The following SLC25A21 variants were observed in gnomAD, a reference collection of about 807,000 sequenced individuals.
SLC25A21 encodes solute carrier family 25 member 21.
In SLC25A21, 47 loss-of-function variants were observed where a neutral mutation model predicts 43.8. The ratio of observed to expected loss-of-function variants is 1.07; its 90% CI spans 0.85 to 1.37. The LOEUF is 1.37. Among genes scored for constraint, SLC25A21 ranks in the 40% most tolerant of loss-of-function variants. The pLI is 0.00. For missense variants in SLC25A21, 352 were observed against 350.2 expected (o/e 1.00, Z -0.04); for synonymous variants, 131 against 121.3 (o/e 1.08, Z -0.52).
Position 36,758,590 on chromosome 14 carries a change from C to CAAAA in SLC25A21, c.204-24021_204-24018dup, listed in dbSNP as rs11314165. Among the ~76,000 whole-genome samples, 652 of 127,652 alleles carry CAAAA rather than the reference C, an allele frequency of 5.1e-3. 8 individuals are homozygous for CAAAA. Among genetic ancestry groups the CAAAA allele is most frequent in the East Asian group, 0.024 (97 of 4,116 alleles). The allele number at this position is 127,652 out of a possible 152,430, so 83.7% of individuals were successfully genotyped here. A position where few individuals can be genotyped will look rare whatever the true frequency, so the allele number is the denominator to read the frequency against. On this transcript the variant is annotated intron_variant, in intron 3 of 9. Coordinates refer to ENST00000331299, the MANE Select transcript of SLC25A21 (RefSeq NM_030631.4). ...CTTTTCTATATTGGGTCAGCCAGGT[C>CAAAA]AAAAAAAAAAAAAAAAAGGAGGTTT...
intron 2 of SLC25A21, among the ~76,000 whole-genome samples, chr14:36,834,649 T>C (rs1485767208): frequency 6.6e-6 from 1 of 152,092 alleles, no homozygotes; most frequent in African/African-American, 2.4e-5. Context: ...AGGCTAAGAA[T>C]AAAGCCCTGT....
chr14:36,843,723 G>A (rs2138503257), intron 2 of SLC25A21, among the ~76,000 whole-genome samples: 1 of 152,240 alleles, frequency 6.6e-6, no homozygotes, highest in Non-Finnish European at 1.5e-5. Flanking sequence ...TCACGAAATT[G>A]ATGAAATGCT....
chr14:36,691,017 T>C (rs1882773643), intron 7 of SLC25A21, among the ~76,000 whole-genome samples: 1 of 152,216 alleles, frequency 6.6e-6, no homozygotes, highest in South Asian at 2.1e-4. Flanking sequence ...AAGCCCTTTG[T>C]ATATTTAAGC....
At chr14:36,918,302 C>A (rs1424732358) in intron 1 of SLC25A21, among the ~76,000 whole-genome samples, 1 of 152,134 alleles carries the variant, frequency 6.6e-6, no homozygotes, top group East Asian at 1.9e-4. Context: ...TCATGGGTCA[C>A]CCATCCCAGA....
At chr14:36,939,439 C>T (rs1477104844) in intron 1 of SLC25A21, among the ~76,000 whole-genome samples, 1 of 151,904 alleles carries the variant, frequency 6.6e-6, no homozygotes, top group Non-Finnish European at 1.5e-5. Context: ...TGTTAAATGG[C>T]CATGTCAAAT....
At chr14:36,773,070 C>T (rs1016627841) in intron 3 of SLC25A21, among the ~76,000 whole-genome samples, 4 of 152,136 alleles carry the variant, frequency 2.6e-5, no homozygotes, top group Non-Finnish European at 5.9e-5. Flanking sequence ...TGCTGCAGTA[C>T]TATGCTAAAG....
chr14:36,768,961 C>G (rs201677111), intron 3 of SLC25A21, among the ~76,000 whole-genome samples: 1 of 149,830 alleles, frequency 6.7e-6, no homozygotes, highest in Non-Finnish European at 1.5e-5. Flanking sequence ...AAACCTATAT[C>G]TATCTATATC....
intron 1 of SLC25A21, among the ~76,000 whole-genome samples, chr14:36,990,428 A>C (rs1430958787): frequency 6.6e-6 from 1 of 152,202 alleles, no homozygotes. Flanking sequence ...CTCTGAAATT[A>C]TTTATAGTTT....
At chr14:37,009,831 T>C (rs953690119) in intron 1 of SLC25A21, among the ~76,000 whole-genome samples, 1 of 152,172 alleles carries the variant, frequency 6.6e-6, no homozygotes, top group African/African-American at 2.4e-5. Flanking sequence ...CACAATCAAC[T>C]ATAAATTCTC....
intron 1 of SLC25A21, among the ~76,000 whole-genome samples, chr14:37,064,939 T>C (rs1223091803): frequency 6.6e-6 from 1 of 152,186 alleles, no homozygotes; most frequent in Non-Finnish European, 1.5e-5. Flanking sequence ...GGGCCTAATA[T>C]ATGCCAGCTA....
In SLC25A21 at chr14:36,804,802, G is replaced by A. The variant is rs190893858; in HGVS notation, c.203+9116C>T. On this transcript the variant is annotated intron_variant, in intron 3 of 9. Transcript: ENST00000331299. ...TCTACAATAAGATAATCAGGTATGGGTAGAAGAGTGCTTTTAGGAAGTTCT... is the reference window on the plus strand; with the variant it reads ...TCTACAATAAGATAATCAGGTATGGATAGAAGAGTGCTTTTAGGAAGTTCT... Among the ~76,000 whole-genome samples, 228 of 152,302 alleles carry A rather than the reference G, an allele frequency of 1.5e-3. 1 individual carries two copies. Among genetic ancestry groups the A allele is most frequent in the African/African-American group, 5.1e-3 (214 of 41,572 alleles).
At chr14:36,758,718 C>T (rs1314204990) in intron 3 of SLC25A21, among the ~76,000 whole-genome samples, 1 of 151,974 alleles carries the variant, frequency 6.6e-6, no homozygotes, top group Non-Finnish European at 1.5e-5. Context: ...GAGAAATGAT[C>T]TTAGATACCC....
At chr14:36,869,784 T>A (rs936959235) in intron 2 of SLC25A21, among the ~76,000 whole-genome samples, 2 of 152,174 alleles carry the variant, frequency 1.3e-5, no homozygotes, top group African/African-American at 4.8e-5. Context: ...ACAATCTTGA[T>A]TGAAAGATTC....
chr14:37,026,061 C>T (rs931794116), intron 1 of SLC25A21, among the ~76,000 whole-genome samples: 6 of 152,038 alleles, frequency 3.9e-5, no homozygotes, highest in African/African-American at 1.4e-4. Flanking sequence ...AGATACTAGT[C>T]ATCTCCCTAA....
In SLC25A21 at chr14:36,813,971, T is replaced by G. The variant is rs373534673; in HGVS notation, c.150A>C (p.Pro50=). 4 of 1,610,364 alleles carry G rather than the reference T, an allele frequency of 2.5e-6. No individual in the cohort carries two copies. In the African/African-American group the frequency reaches 4.0e-5, roughly 16 times the overall value. ...RFQIQRCATD[P]NSYKSLVDSF... Reference sequence around the variant, plus strand: ...TGTCTACCAAGCTTTTATAACTGTTTGGATCGGTTGCACATCTCTGAATCT... The same window carrying G: ...TGTCTACCAAGCTTTTATAACTGTTGGGATCGGTTGCACATCTCTGAATCT... Residue 50 remains proline (P), a synonymous_variant, in exon 3 of 10, where the codon CCA becomes CCC. Transcript: ENST00000331299.
intron 1 of SLC25A21, among the ~76,000 whole-genome samples, chr14:36,974,437 T>G (rs11156930): frequency 2.0e-5 from 3 of 152,112 alleles, no homozygotes; most frequent in African/African-American, 7.2e-5. Context: ...TAAGAAACAG[T>G]AGGTACACAT....
rs966408859 is a variant in SLC25A21 at position 36,973,343 on chromosome 14, A to C, written c.71-98339T>G. On this transcript the variant is annotated intron_variant, in intron 1 of 9. Transcript: ENST00000331299. ...AGGGGTGAACAACTGTAGTGACATGAACACGGAACTGAGCAAAGGCACGTG... is the reference window on the plus strand; with the variant it reads ...AGGGGTGAACAACTGTAGTGACATGCACACGGAACTGAGCAAAGGCACGTG... Among the ~76,000 whole-genome samples, 38 of 152,322 alleles carry C rather than the reference A, an allele frequency of 2.5e-4. 1 individual carries two copies. The highest frequency in any genetic ancestry group is 3.4e-3 in the Middle Eastern group (1 of 294).
chr14:37,095,004 T>A (rs929969428), intron 1 of SLC25A21, among the ~76,000 whole-genome samples: 1 of 152,198 alleles, frequency 6.6e-6, no homozygotes, highest in African/African-American at 2.4e-5. Context: ...TGTGAAATGA[T>A]ATATATGTTA....
At chr14:37,152,716 T>C (rs1432920356) in intron 1 of SLC25A21, among the ~76,000 whole-genome samples, 2 of 152,016 alleles carry the variant, frequency 1.3e-5, no homozygotes, top group African/African-American at 4.8e-5. Flanking sequence ...AAAAACTAAA[T>C]AAAATGAATT....
Sources: allele counts gnomAD v4.1 joint callset (sites outside exome capture counted in the v4.1 genomes callset), GRCh38; gene constraint gnomAD v4.1.1; transcripts MANE v1.5; gene names NCBI Gene and HGNC (gene_info 2026-07-23, HGNC 2026-07-21).